The following RBFOX1 variants were observed in gnomAD, a reference collection of about 807,000 sequenced individuals.
The protein encoded by RBFOX1 is RNA binding protein fox-1 homolog 1.
In RBFOX1, 8 loss-of-function variants were observed where a neutral mutation model predicts 57.7. The observed-to-expected ratio is 0.14, with a 90% CI of 0.08 to 0.25. The LOEUF (loss-of-function observed/expected upper bound fraction) is 0.25, where lower values mean the gene tolerates loss of function less well. RBFOX1 is among the 10% of genes least tolerant of loss of function. The pLI, the probability that RBFOX1 is intolerant of heterozygous loss-of-function variation, is 1.00. For synonymous variants in RBFOX1, 326 were observed against 222.4 expected, an observed-to-expected ratio of 1.47 and a Z score of -4.15; for missense variants, 611 against 548.5, an observed-to-expected ratio of 1.11 and a Z score of -1.14.
intron 2 of RBFOX1, among the ~76,000 whole-genome samples, chr16:5,482,236 A>G (rs1352108489): frequency 2.0e-5 from 3 of 152,190 alleles, no homozygotes; most frequent in Non-Finnish European, 4.4e-5. Flanking sequence ...CGGGCAGCTC[A>G]AGCCTTCTTA....
intron 4 of RBFOX1, among the ~76,000 whole-genome samples, chr16:7,509,867 A>G (rs1329258120): frequency 2.0e-5 from 3 of 152,050 alleles, no homozygotes; most frequent in African/African-American, 4.8e-5. Context: ...TTTGCATACC[A>G]TATATTTAGT....
At chr16:6,010,334 C>T (rs1486568648) in intron 4 of RBFOX1, among the ~76,000 whole-genome samples, 1 of 152,200 alleles carries the variant, frequency 6.6e-6, no homozygotes, top group Non-Finnish European at 1.5e-5. Flanking sequence ...TACATTCCAG[C>T]TCCCTTGCCC....
chr16:5,674,867 A>G (rs532280045), intron 3 of RBFOX1, among the ~76,000 whole-genome samples: 24 of 152,228 alleles, frequency 1.6e-4, no homozygotes, highest in Admixed American at 9.8e-4. Context: ...TTGTGGCTGA[A>G]TATGGTGGGT....
At chr16:7,314,931 C>G (rs1182370293) in intron 4 of RBFOX1, among the ~76,000 whole-genome samples, 4 of 152,106 alleles carry the variant, frequency 2.6e-5, no homozygotes, top group Non-Finnish European at 5.9e-5. Flanking sequence ...ATTGGGAATT[C>G]TGGATGTAGG....
intron 2 of RBFOX1, among the ~76,000 whole-genome samples, chr16:6,337,547 T>C (rs979690993): frequency 2.0e-5 from 3 of 152,212 alleles, no homozygotes; most frequent in African/African-American, 7.2e-5. Context: ...AGTAAGTCTC[T>C]CAATTGTACA....
Position 7,134,600 on chromosome 16 carries a change from C to G in RBFOX1, c.27+82502C>G, listed in dbSNP as rs79314117. On this transcript the variant is annotated intron_variant, in intron 4 of 15. Transcript: ENST00000550418. ...ATTATATCATTGATTTCCCCTGCCT[C>G]CTCTCCCTTCACCCTGCCCACATCC... Among the ~76,000 whole-genome samples the G allele has an allele frequency of 5.0e-3, 756 of 152,262 alleles. 25 individuals are homozygous for G. Among genetic ancestry groups the G allele is most frequent in the Admixed American group, 0.033 (511 of 15,290 alleles).
At chr16:6,776,456 T>A (rs2079372542) in intron 3 of RBFOX1, among the ~76,000 whole-genome samples, 1 of 151,592 alleles carries the variant, frequency 6.6e-6, no homozygotes, top group Non-Finnish European at 1.5e-5. Flanking sequence ...CAAAAAAACA[T>A]CAAGGAGAAG....
chr16:5,371,010 C>T (rs1464052372), intron 1 of RBFOX1, among the ~76,000 whole-genome samples: 3 of 152,294 alleles, frequency 2.0e-5, no homozygotes, highest in South Asian at 2.1e-4. Flanking sequence ...TGCAGTGGCA[C>T]GATCTTGGCT....
intron 4 of RBFOX1, among the ~76,000 whole-genome samples, chr16:7,394,017 C>A (rs2098093387): frequency 6.6e-6 from 1 of 151,980 alleles, no homozygotes; most frequent in Non-Finnish European, 1.5e-5. Context: ...GGGCAGATCA[C>A]CTGAGGTCAG....
chr16:6,833,723 T>C (rs773849324), intron 3 of RBFOX1, among the ~76,000 whole-genome samples: 66 of 152,200 alleles, frequency 4.3e-4, no homozygotes, highest in Non-Finnish European at 4.7e-4. Flanking sequence ...CTCTAGATGC[T>C]ATGGAATATT....
chr16:5,518,875 C>G (rs751027404), intron 2 of RBFOX1, among the ~76,000 whole-genome samples: 10 of 152,212 alleles, frequency 6.6e-5, no homozygotes, highest in Non-Finnish European at 4.4e-5. Context: ...AACCCCCACT[C>G]CCACACATTC....
intron 3 of RBFOX1, among the ~76,000 whole-genome samples, chr16:6,817,659 C>T (rs937867817): frequency 4.0e-5 from 6 of 151,416 alleles, no homozygotes; most frequent in Non-Finnish European, 7.4e-5. Flanking sequence ...GCTGAGATTG[C>T]ACCACTGCAC....
chr16:7,064,477 T>A (rs563281339), intron 4 of RBFOX1, among the ~76,000 whole-genome samples: 1 of 151,918 alleles, frequency 6.6e-6, no homozygotes, highest in African/African-American at 2.4e-5. Context: ...CTGGGTGGTG[T>A]TCTTATAAGA....
At chr16:5,591,228 T>G (rs1161959169) in intron 2 of RBFOX1, among the ~76,000 whole-genome samples, 1 of 151,664 alleles carries the variant, frequency 6.6e-6, no homozygotes, top group Non-Finnish European at 1.5e-5. Flanking sequence ...TGCTACCACA[T>G]CCTTTTCCTT....
At chr16:7,108,609 T>C (rs1236599337) in intron 4 of RBFOX1, among the ~76,000 whole-genome samples, 2 of 152,164 alleles carry the variant, frequency 1.3e-5, no homozygotes, top group African/African-American at 4.8e-5. Flanking sequence ...GTTAGAGATA[T>C]GATTAATTGC....
At chr16:7,348,092 T>G (rs2097053198) in intron 4 of RBFOX1, among the ~76,000 whole-genome samples, 1 of 152,230 alleles carries the variant, frequency 6.6e-6, no homozygotes, top group Non-Finnish European at 1.5e-5. Flanking sequence ...AAAACTGTTT[T>G]AAAACATTGT....
At chr16:6,688,111 C>G (rs942867619) in intron 3 of RBFOX1, among the ~76,000 whole-genome samples, 1 of 151,948 alleles carries the variant, frequency 6.6e-6, no homozygotes, top group Non-Finnish European at 1.5e-5. Flanking sequence ...TTCATTGGCT[C>G]CGGGTTCAGC....
At chr16:7,109,844 T>G (rs2064328006) in intron 4 of RBFOX1, among the ~76,000 whole-genome samples, 1 of 152,010 alleles carries the variant, frequency 6.6e-6, no homozygotes, top group Admixed American at 6.6e-5. Context: ...CGTGATGAGG[T>G]GAGGTGCTAG....
chr16:7,151,766 G>A (rs1378128556), intron 4 of RBFOX1, among the ~76,000 whole-genome samples: 1 of 151,992 alleles, frequency 6.6e-6, no homozygotes, highest in Non-Finnish European at 1.5e-5. Flanking sequence ...CCCATCTTGG[G>A]GTGATGGTAG....
Sources: gnomAD v4.1 joint callset for allele counts (sites outside exome capture counted in the v4.1 genomes callset) on GRCh38, gnomAD v4.1.1 for gene constraint, MANE v1.5 for transcripts, NCBI Gene and HGNC (gene_info 2026-07-23, HGNC 2026-07-21) for gene names.